SDK1: variants seen among roughly 807,000 people sequenced by gnomAD.
The protein encoded by SDK1 is sidekick cell adhesion molecule 1.
In SDK1, 157 loss-of-function variants were observed where a neutral mutation model predicts 245.5. The observed-to-expected ratio is 0.64, with a 90% CI of 0.56 to 0.73. The LOEUF is 0.73. Ranked by LOEUF, SDK1 falls within the 30% of genes least tolerant of loss-of-function variation. The pLI is 0.00. For missense variants in SDK1, 3,583 were observed against 3,002.3 expected, an observed-to-expected ratio of 1.19 and a Z score of -4.52; for synonymous variants, 1,647 against 1,278.5, an observed-to-expected ratio of 1.29 and a Z score of -6.15.
intron 38 of SDK1, among the ~76,000 whole-genome samples, chr7:4,219,830 G>A (rs1336941592): frequency 1.6e-4 from 3 of 18,694 alleles, no homozygotes; most frequent in South Asian, 1.9e-3. Context: ...TCCCCTCCCC[G>A]CTCCTCCTTC....
chr7:3,416,496 G>T (rs1159007942), intron 1 of SDK1, among the ~76,000 whole-genome samples: 3 of 151,454 alleles, frequency 2.0e-5, no homozygotes, highest in South Asian at 4.2e-4. Context: ...GGAAACAAGG[G>T]GTGGAGGCCT....
chr7:3,933,084 T>C (rs1349155159), intron 5 of SDK1, among the ~76,000 whole-genome samples: 1 of 147,742 alleles, frequency 6.8e-6, no homozygotes, highest in East Asian at 2.0e-4. Flanking sequence ...AAATCCTCTC[T>C]CCATCCTCCG....
chr7:4,075,138 G>T (rs954158413), intron 20 of SDK1, among the ~76,000 whole-genome samples: 1 of 151,574 alleles, frequency 6.6e-6, no homozygotes, highest in Non-Finnish European at 1.5e-5. Context: ...GCACCACTTG[G>T]TGACAACTCA....
chr7:3,973,916 T>C (rs576896678), intron 12 of SDK1, among the ~76,000 whole-genome samples: 1 of 152,248 alleles, frequency 6.6e-6, no homozygotes, highest in South Asian at 2.1e-4. Context: ...GTGCGGTGAC[T>C]CAGGCCTGTA....
intron 1 of SDK1, among the ~76,000 whole-genome samples, chr7:3,491,632 C>T (rs1173357870): frequency 6.6e-6 from 1 of 152,178 alleles, no homozygotes; most frequent in Non-Finnish European, 1.5e-5. Flanking sequence ...CTATATCTCT[C>T]CTGAAGTCTT....
At chr7:3,701,035 C>T (rs142226496) in intron 4 of SDK1, among the ~76,000 whole-genome samples, 148 of 152,170 alleles carry the variant, frequency 9.7e-4, no homozygotes, top group African/African-American at 3.3e-3. Context: ...AACCAGTTGC[C>T]GCGCAGGGAG....
chr7:4,048,552 TC>T, intron 17 of SDK1, among the ~76,000 whole-genome samples: 1 of 152,128 alleles, frequency 6.6e-6, no homozygotes, highest in East Asian at 1.9e-4. Flanking sequence ...TTTTGCCTTT[TC>T]CCATGGCTCT....
In SDK1 at chr7:4,077,146, T is replaced by A. The variant is rs1485043215; in HGVS notation, c.3159T>A (p.Thr1053=). Residue 1053 remains threonine, a synonymous_variant, in exon 21 of 45, where the codon ACT becomes ACA. Transcript: ENST00000404826. ...IDVAAVTAVG[T]GLVTSSTISS... ...TGGCCGCTGTGACTGCCGTGGGCACTGGCCTGGTGACTTCATCCACCATTT... is the reference window on the plus strand; with the variant it reads ...TGGCCGCTGTGACTGCCGTGGGCACAGGCCTGGTGACTTCATCCACCATTT... 6.2e-7 allele frequency: 1 copy of A among 1,614,236 alleles called. No individual in the cohort carries two copies. The highest frequency in any genetic ancestry group is 8.5e-7 in the Non-Finnish European group (1 of 1,180,036).
At chr7:3,571,613 C>T (rs1475656102) in intron 1 of SDK1, among the ~76,000 whole-genome samples, 1 of 151,992 alleles carries the variant, frequency 6.6e-6, no homozygotes, top group Admixed American at 6.6e-5. Flanking sequence ...CTGAAAGCAG[C>T]CTTTTGTTTT....
chr7:3,961,941 ACG>A lies in SDK1; in HGVS notation c.1235-714_1235-713del, dbSNP rs1355775148. 1.7e-3 allele frequency among the ~76,000 whole-genome samples: 253 copies of A among 152,280 alleles called. 1 individual carries two copies. The highest frequency in any genetic ancestry group is 5.9e-3 in the African/African-American group (247 of 41,546). Reference sequence around the variant, plus strand: ...CAGATGTACACACACATATACACACACGCACATGTATACGCATACACACATAA... The same window carrying A: ...CAGATGTACACACACATATACACACACACATGTATACGCATACACACATAA... On this transcript the variant is annotated intron_variant, in intron 8 of 44. Coordinates refer to ENST00000404826, the MANE Select transcript of SDK1 (RefSeq NM_152744.4).
intron 14 of SDK1, among the ~76,000 whole-genome samples, chr7:3,989,082 T>G (rs1324441600): frequency 6.6e-6 from 1 of 152,228 alleles, no homozygotes; most frequent in African/African-American, 2.4e-5. Flanking sequence ...ATACGTAAGC[T>G]GCCGGCCTCC....
chr7:4,195,119 G>A (rs1313805031), intron 35 of SDK1, among the ~76,000 whole-genome samples: 1 of 152,128 alleles, frequency 6.6e-6, no homozygotes, highest in Admixed American at 6.5e-5. Flanking sequence ...ATACATTTAT[G>A]GAGCACAAAG....
rs763807672 is a variant in SDK1, at chr7:3,825,318, T to TAAAAAAA, written c.847+3751_847+3757dup. 9.8e-5 allele frequency among the ~76,000 whole-genome samples: 7 copies of TAAAAAAA among 71,370 alleles called. 2 individuals are homozygous for TAAAAAAA. Among genetic ancestry groups the TAAAAAAA allele is most frequent in the Non-Finnish European group, 1.5e-4 (5 of 34,242 alleles). 46.8% of individuals were successfully genotyped at this position (71,370 alleles called of 152,430 possible). A position where few individuals can be genotyped will look rare whatever the true frequency, so the allele number is the denominator to read the frequency against. ...CTATGTGAATAAGAGTTTCTTCCTC[T>TAAAAAAA]AAAAAAAAAAAAAAAAAAAAAAGCC... On this transcript the variant is annotated intron_variant, in intron 5 of 44. Coordinates refer to ENST00000404826, the MANE Select transcript of SDK1 (RefSeq NM_152744.4).
chr7:3,526,771 T>G (rs532151645), intron 1 of SDK1, among the ~76,000 whole-genome samples: 2 of 152,270 alleles, frequency 1.3e-5, no homozygotes, highest in Admixed American at 1.3e-4. Context: ...CCATGGATGG[T>G]CTTTTATTTG....
At chr7:3,798,445 C>T (rs1465752752) in intron 4 of SDK1, among the ~76,000 whole-genome samples, 1 of 152,036 alleles carries the variant, frequency 6.6e-6, no homozygotes, top group Non-Finnish European at 1.5e-5. Flanking sequence ...TCTTGATCTC[C>T]TGACCTTGTG....
intron 29 of SDK1, among the ~76,000 whole-genome samples, chr7:4,146,602 C>CA (rs1780001459): frequency 6.6e-6 from 1 of 152,246 alleles, no homozygotes; most frequent in East Asian, 1.9e-4. Context: ...TGGGGCAAGG[C>CA]TGCAGAGTCA....
chr7:4,259,716 C>G (rs1787858622), intron 44 of SDK1, among the ~76,000 whole-genome samples: 1 of 152,156 alleles, frequency 6.6e-6, no homozygotes, highest in African/African-American at 2.4e-5. Flanking sequence ...CCTTCGCCAC[C>G]AAATGAGTTA....
chr7:4,123,663 C>G (rs991297480), intron 25 of SDK1, among the ~76,000 whole-genome samples: 1 of 152,230 alleles, frequency 6.6e-6, no homozygotes, highest in African/African-American at 2.4e-5. Flanking sequence ...CACTGAGTAA[C>G]TGAATGAATG....
chr7:4,202,154 C>T (rs1783924622), intron 35 of SDK1, among the ~76,000 whole-genome samples: 1 of 152,220 alleles, frequency 6.6e-6, no homozygotes, highest in South Asian at 2.1e-4. Context: ...TCCCCACACT[C>T]CGCCTGGCAC....
Sources: allele counts gnomAD v4.1 joint callset (sites outside exome capture counted in the v4.1 genomes callset), GRCh38; gene constraint gnomAD v4.1.1; transcripts MANE v1.5; gene names NCBI Gene and HGNC (gene_info 2026-07-23, HGNC 2026-07-21).